SCAPER: variants seen among roughly 807,000 people sequenced by gnomAD.
The protein encoded by SCAPER is S-phase cyclin A associated protein in the ER.
A neutral mutation model predicts 182.2 loss-of-function variants in SCAPER; 98 were observed. The observed-to-expected ratio is 0.54, with a 90% CI of 0.46 to 0.64. The LOEUF (loss-of-function observed/expected upper bound fraction) is 0.64. SCAPER is among the 30% of genes least tolerant of loss of function. SCAPER has a pLI of 0.00. For missense variants in SCAPER, 1,432 were observed against 1,690.0 expected, an observed-to-expected ratio of 0.85 and a Z score of 2.68; for synonymous variants, 605 against 564.6, an observed-to-expected ratio of 1.07 and a Z score of -1.01.
chr15:76,738,083 C>T (rs955112971), intron 15 of SCAPER, among the ~76,000 whole-genome samples: 2 of 152,188 alleles, frequency 1.3e-5, no homozygotes, highest in South Asian at 4.1e-4. Flanking sequence ...TTTTCCTTTG[C>T]ATTTACAACC....
At chr15:76,538,823 C>T (rs976778971) in intron 23 of SCAPER, among the ~76,000 whole-genome samples, 2 of 152,060 alleles carry the variant, frequency 1.3e-5, no homozygotes, top group African/African-American at 2.4e-5. Flanking sequence ...TGGGCATATA[C>T]AATGGTATAG....
chr15:76,694,314 G>C (rs1291671334), intron 20 of SCAPER, among the ~76,000 whole-genome samples: 2 of 151,928 alleles, frequency 1.3e-5, no homozygotes, highest in African/African-American at 4.8e-5. Flanking sequence ...ACCTCCTTGG[G>C]TGAATTTATT....
intron 1 of SCAPER, among the ~76,000 whole-genome samples, chr15:76,903,067 A>G (rs923180891): frequency 1.3e-5 from 2 of 151,830 alleles, no homozygotes; most frequent in Non-Finnish European, 2.9e-5. Context: ...TTTCAAAAAA[A>G]AAAAAAAGAA....
At chr15:76,743,762 T>C (rs1476088731) in intron 15 of SCAPER, among the ~76,000 whole-genome samples, 1 of 152,174 alleles carries the variant, frequency 6.6e-6, no homozygotes, top group East Asian at 1.9e-4. Flanking sequence ...ACCAGTGGCA[T>C]TCTTCACAAA....
chr15:76,656,925 A>T (rs2055692506), intron 21 of SCAPER, among the ~76,000 whole-genome samples: 1 of 152,192 alleles, frequency 6.6e-6, no homozygotes, highest in African/African-American at 2.4e-5. Flanking sequence ...TTATAGTGCT[A>T]AACTACCACA....
chr15:76,485,823 G>C (rs1596954754), intron 24 of SCAPER, among the ~76,000 whole-genome samples: 1 of 152,258 alleles, frequency 6.6e-6, no homozygotes, highest in Admixed American at 6.5e-5. Context: ...GGGATAACTG[G>C]CTAGCCATAT....
At chr15:76,567,842 C>T (rs1012175336) in intron 23 of SCAPER, among the ~76,000 whole-genome samples, 1 of 151,896 alleles carries the variant, frequency 6.6e-6, no homozygotes, top group African/African-American at 2.4e-5. Context: ...CTTCCTGGTG[C>T]CTTTTGATGA....
intron 21 of SCAPER, among the ~76,000 whole-genome samples, chr15:76,633,035 A>G (rs916499144): frequency 2.0e-5 from 3 of 152,106 alleles, no homozygotes; most frequent in Non-Finnish European, 2.9e-5. Flanking sequence ...TCGGCCTCCC[A>G]AAGTGCTGGC....
At chr15:76,441,443 C>T (rs1043593019) in intron 25 of SCAPER, among the ~76,000 whole-genome samples, 1 of 152,148 alleles carries the variant, frequency 6.6e-6, no homozygotes, top group African/African-American at 2.4e-5. Context: ...GAATCATATA[C>T]TTCCTCTGCT....
intron 25 of SCAPER, among the ~76,000 whole-genome samples, chr15:76,469,789 C>T (rs2049988878): frequency 6.6e-6 from 1 of 152,074 alleles, no homozygotes; most frequent in Non-Finnish European, 1.5e-5. Context: ...TAAGAGGCTG[C>T]TTTCAAAATT....
At chr15:76,420,769 G>A (rs913266802) in intron 26 of SCAPER, among the ~76,000 whole-genome samples, 10 of 151,912 alleles carry the variant, frequency 6.6e-5, no homozygotes, top group Admixed American at 5.2e-4. Context: ...ATCCCTCCAC[G>A]CTCCCCCCAC....
rs1568176929 is a variant in SCAPER, at chr15:76,800,233, CT to C, written c.611+14del. On this transcript the variant is annotated intron_variant, in intron 7 of 31. Coordinates refer to ENST00000563290, the MANE Select transcript of SCAPER (RefSeq NM_020843.4). ...TTAATGCAAGTCTTAGTAGTTTTTT[CT>C]TAGTTCATCTCACCCAAAATTTAAG... is the stretch of plus-strand genomic sequence containing the variant. The C allele has an allele frequency of 1.4e-6, 2 of 1,427,418 alleles. No individual in the cohort carries two copies. Among genetic ancestry groups the C allele is most frequent in the Non-Finnish European group, 2.0e-6 (2 of 1,017,398 alleles). 88.4% of individuals were successfully genotyped at this position (1,427,418 alleles called of 1,614,324 possible). A position where few individuals can be genotyped will look rare whatever the true frequency, so the allele number is the denominator to read the frequency against.
intron 23 of SCAPER, among the ~76,000 whole-genome samples, chr15:76,570,607 C>T (rs1183176679): frequency 6.6e-6 from 1 of 152,100 alleles, no homozygotes; most frequent in East Asian, 1.9e-4. Flanking sequence ...CAGAAGATAG[C>T]AGGCATAGTT....
intron 2 of SCAPER, among the ~76,000 whole-genome samples, chr15:76,875,930 G>A (rs909986427): frequency 2.6e-5 from 4 of 152,176 alleles, no homozygotes; most frequent in Admixed American, 1.3e-4. Flanking sequence ...TGGGGGGCGG[G>A]GTCAGGCTCA....
chr15:76,740,266 A>T (rs2061472288), intron 15 of SCAPER, among the ~76,000 whole-genome samples: 2 of 152,242 alleles, frequency 1.3e-5, no homozygotes, highest in Admixed American at 1.3e-4. Flanking sequence ...TACAGAGAAC[A>T]TGACAAAATG....
At chr15:76,613,610 C>T (rs1042698627) in intron 22 of SCAPER, among the ~76,000 whole-genome samples, 8 of 152,144 alleles carry the variant, frequency 5.3e-5, no homozygotes, top group East Asian at 1.9e-4. Context: ...TATGAACAGA[C>T]ACTTTTCTAA....
intron 23 of SCAPER, among the ~76,000 whole-genome samples, chr15:76,537,914 C>A (rs1434445832): frequency 6.6e-6 from 1 of 151,974 alleles, no homozygotes; most frequent in Non-Finnish European, 1.5e-5. Flanking sequence ...AGGATATGAA[C>A]AGACACTTCT....
At chr15:76,377,883 T>C (rs1244371583) in intron 28 of SCAPER, among the ~76,000 whole-genome samples, 1 of 152,226 alleles carries the variant, frequency 6.6e-6, no homozygotes, top group African/African-American at 2.4e-5. Flanking sequence ...ACTCAGCATG[T>C]CTGTTTAGGT....
chr15:76,539,151 A>G (rs1373310548), intron 23 of SCAPER, among the ~76,000 whole-genome samples: 1 of 152,228 alleles, frequency 6.6e-6, no homozygotes, highest in Non-Finnish European at 1.5e-5. Context: ...CAAAACTGCA[A>G]GCAAATTAGC....
Sources: gnomAD v4.1 joint callset for allele counts (sites outside exome capture counted in the v4.1 genomes callset) on GRCh38, gnomAD v4.1.1 for gene constraint, MANE v1.5 for transcripts, NCBI Gene and HGNC (gene_info 2026-07-23, HGNC 2026-07-21) for gene names.